Variants in TSPAN3 observed in about 807,000 individuals in gnomAD.
The protein encoded by TSPAN3 is tetraspanin-3.
Under a neutral mutation model 31.1 loss-of-function variants are expected in TSPAN3, and 9 were observed. That is an observed-to-expected ratio of 0.29 (90% CI 0.17 to 0.50). The LOEUF is 0.50. Ranked by LOEUF, TSPAN3 falls within the 20% of genes least tolerant of loss-of-function variation. TSPAN3 has a pLI of 0.98. For synonymous variants in TSPAN3, 129 were observed against 114.3 expected (o/e 1.13, Z -0.82); for missense variants, 252 against 313.5 (o/e 0.80, Z 1.48).
Position 77,046,463 on chromosome 15 carries a change from T to G in TSPAN3, c.*372A>C. On this transcript the variant is annotated 3_prime_UTR_variant, in exon 7 of 7. Transcript: ENST00000267970. ...CCCCGCAAAAACCTTTGGCCAAGAG[T>G]TCTCCACTGTGAAGACTGAAAGGAC... The G allele has an allele frequency of 2.5e-6, 1 of 407,676 alleles. No homozygotes were observed. The highest frequency in any genetic ancestry group is 4.3e-6 in the Non-Finnish European group (1 of 230,828). 25.3% of individuals were successfully genotyped at this position (407,676 alleles called of 1,614,324 possible). A position where few individuals can be genotyped will look rare whatever the true frequency, so the allele number is the denominator to read the frequency against.
intron 6 of TSPAN3, 47 bp downstream of exon 6, chr15:77,052,338 A>C: frequency 1.3e-6 from 2 of 1,549,564 alleles, no homozygotes; most frequent in African/African-American, 1.4e-5. Context: ...GGCTGACAAC[A>C]GAGAACCAAC....
intron 1 of TSPAN3, chr15:77,070,043 G>C (rs147946884): frequency 6.6e-6 from 1 of 152,316 alleles, no homozygotes; most frequent in African/African-American, 2.4e-5. Context: ...TTATCCGGGT[G>C]CAAAGTCCAG....
intron 1 of TSPAN3, among the ~76,000 whole-genome samples, chr15:77,060,458 C>T (rs1237897107): frequency 1.3e-5 from 2 of 152,026 alleles, no homozygotes; most frequent in Non-Finnish European, 2.9e-5. Flanking sequence ...TGATATCCAA[C>T]CATCAATATG....
chr15:77,049,025 C>T (rs574957774), intron 6 of TSPAN3, among the ~76,000 whole-genome samples: 1 of 152,218 alleles, frequency 6.6e-6, no homozygotes, highest in Admixed American at 6.5e-5. Context: ...TTGCTATAAA[C>T]AGCCCATCAA....
At chr15:77,070,797 G>T in intron 1 of TSPAN3, 95 bp downstream of exon 1, 2 of 699,004 alleles carry the variant, frequency 2.9e-6, no homozygotes, top group Non-Finnish European at 3.5e-6. Flanking sequence ...GCCCCCGCGC[G>T]CCCGCCCAGG....
Position 77,046,494 on chromosome 15 carries a change from G to T in TSPAN3, c.*341C>A. On this transcript the variant is annotated 3_prime_UTR_variant, in exon 7 of 7. Transcript: ENST00000267970. The stretch of plus-strand genomic sequence containing the variant: ...ACTGTGAAGACTGAAAGGACCTGGT[G>T]ACATTTCGGCATCAGTCCTGTTACC... The T allele has an allele frequency of 2.4e-6, 1 of 422,374 alleles. No homozygotes were observed. Among genetic ancestry groups the T allele is most frequent in the South Asian group, 8.6e-5 (1 of 11,596 alleles). 26.2% of individuals were successfully genotyped at this position (422,374 alleles called of 1,614,324 possible).
chr15:77,063,157 C>T (rs2076810266), intron 1 of TSPAN3, among the ~76,000 whole-genome samples: 1 of 152,196 alleles, frequency 6.6e-6, no homozygotes. Flanking sequence ...TTAGGCACCT[C>T]TGCCAATCTC....
intron 4 of TSPAN3, among the ~76,000 whole-genome samples, chr15:77,053,759 T>C (rs2076749059): frequency 1.3e-5 from 2 of 152,184 alleles, no homozygotes; most frequent in Non-Finnish European, 1.5e-5. Context: ...CCTTTGTGTG[T>C]ATCAGACTGT....
At position 77,052,849 on chromosome 15, in the gene TSPAN3, A is replaced by G. The variant is rs114823813; in HGVS notation, c.513T>C (p.Pro171=). The change falls in exon 5 of 7, where the codon CCT becomes CCC. Residue 171 remains proline, a synonymous_variant. Coordinates refer to ENST00000267970, the MANE Select transcript of TSPAN3 (RefSeq NM_005724.6). The part of the protein sequence containing the change: ...WFKETKNQSV[P]LSCCRETASN... ...TGGCAGTCTCTCTGCAGCAGCTAAG[A>G]GGGACACTCTGGTTTTTGGTTTCTT... 1 of 1,614,148 alleles carries G rather than the reference A, an allele frequency of 6.2e-7. No homozygotes were observed. Among genetic ancestry groups the G allele is most frequent in the East Asian group, 2.2e-5 (1 of 44,876 alleles).
rs2076737894 is a variant in TSPAN3, at chr15:77,052,401, G to A, written c.653C>T (p.Ala218Val). The A allele has an allele frequency of 6.2e-7, 1 of 1,614,182 alleles. No homozygotes were observed. The highest frequency in any genetic ancestry group is 8.5e-7 in the Non-Finnish European group (1 of 1,180,008). Residue 218 changes from alanine to valine, a missense_variant, in exon 6 of 7, where the codon GCA becomes GTA. Physicochemically the swap from Ala to Val is moderately conservative, Grantham distance 64. Transcript: ENST00000267970. ...IMMHVIWAAL[A>V]FAAIQLLGML... The stretch of plus-strand genomic sequence containing the variant: ...TGTGCTTACCTGAATAGCTGCAAAT[G>A]CCAGTGCGGCCCAGATCACATGCAT...
intron 1 of TSPAN3, among the ~76,000 whole-genome samples, chr15:77,066,346 T>G (rs1319018936): frequency 6.6e-6 from 1 of 151,910 alleles, no homozygotes; most frequent in Non-Finnish European, 1.5e-5. Flanking sequence ...CCAAGGCAGA[T>G]GGATCAAGAG....
At chr15:77,070,212 C>A (rs1295747031) in intron 1 of TSPAN3, among the ~76,000 whole-genome samples, 2 of 152,186 alleles carry the variant, frequency 1.3e-5, no homozygotes, top group Non-Finnish European at 2.9e-5. Context: ...GTGAACTCAT[C>A]ACTTTCAAAA....
At chr15:77,066,309 C>A (rs118094678) in intron 1 of TSPAN3, among the ~76,000 whole-genome samples, 2,498 of 152,226 alleles carry the variant, frequency 0.016, 56 homozygotes, top group East Asian at 0.065. Context: ...CGGTGGCTCA[C>A]GCCTGTAATC....
At chr15:77,047,111 A>G (rs978538997) in intron 6 of TSPAN3, among the ~76,000 whole-genome samples, 184 bp from the exon 7 acceptor site, 2 of 152,206 alleles carry the variant, frequency 1.3e-5, no homozygotes, top group Non-Finnish European at 2.9e-5. Context: ...CTAAGTCCTA[A>G]GCTTCAGCTT....
intron 6 of TSPAN3, among the ~76,000 whole-genome samples, chr15:77,050,873 A>T (rs1454369553): frequency 1.3e-5 from 2 of 152,224 alleles, no homozygotes; most frequent in Non-Finnish European, 2.9e-5. Context: ...CTTTTTAATG[A>T]ATCATTTCAG....
intron 6 of TSPAN3, among the ~76,000 whole-genome samples, chr15:77,051,465 TTGCA>T (rs1481123546): frequency 6.6e-6 from 1 of 150,524 alleles, no homozygotes; most frequent in Non-Finnish European, 1.5e-5. Context: ...GAGGCAGAGG[TTGCA>T]GTGAGCTGAG....
chr15:77,059,488 T>C (rs780067366), intron 1 of TSPAN3, among the ~76,000 whole-genome samples: 20 of 152,216 alleles, frequency 1.3e-4, no homozygotes, highest in Non-Finnish European at 2.8e-4. Context: ...TGATATATAT[T>C]CACACACATG....
At chr15:77,051,022 T>C (rs2076727108) in intron 6 of TSPAN3, among the ~76,000 whole-genome samples, 1 of 152,162 alleles carries the variant, frequency 6.6e-6, no homozygotes, top group South Asian at 2.1e-4. Context: ...AGCAATTACA[T>C]TGGTTTTATT....
intron 6 of TSPAN3, among the ~76,000 whole-genome samples, chr15:77,048,857 T>C (rs2076710186): frequency 6.6e-6 from 1 of 152,184 alleles, no homozygotes; most frequent in Non-Finnish European, 1.5e-5. Flanking sequence ...AAATGTTCTA[T>C]GATATACCAT....
Sources: gnomAD v4.1 joint callset for allele counts (sites outside exome capture counted in the v4.1 genomes callset) on GRCh38, gnomAD v4.1.1 for gene constraint, MANE v1.5 for transcripts, NCBI Gene and HGNC (gene_info 2026-07-23, HGNC 2026-07-21) for gene names.